The following LMCD1 variants were observed in gnomAD, a reference collection of about 807,000 sequenced individuals.
LMCD1 encodes LIM and cysteine rich domains 1, also known as LIM and cysteine-rich domains protein 1.
In LMCD1, 32 loss-of-function variants were observed where a neutral mutation model predicts 42.7. The observed-to-expected ratio is 0.75, with a 90% CI of 0.57 to 1.01. The LOEUF (loss-of-function observed/expected upper bound fraction) is 1.01. Among genes scored for constraint, LMCD1 ranks in the 50% least tolerant of loss-of-function variants. LMCD1 has a pLI of 0.00. For synonymous variants in LMCD1, 178 were observed against 184.9 expected, an observed-to-expected ratio of 0.96 and a Z score of 0.30; for missense variants, 458 against 483.1, an observed-to-expected ratio of 0.95 and a Z score of 0.49.
intron 1 of LMCD1, chr3:8,514,895 C>T (rs971811865): frequency 2.2e-6 from 1 of 454,510 alleles, no homozygotes; most frequent in Non-Finnish European, 4.4e-6. Context: ...ACTTTCTGGG[C>T]CACTGAAAAT....
chr3:8,560,760 G>C (rs1695020059), intron 4 of LMCD1, among the ~76,000 whole-genome samples: 1 of 152,196 alleles, frequency 6.6e-6, no homozygotes, highest in South Asian at 2.1e-4. Flanking sequence ...CTCCAAGCCA[G>C]CTGAGTCTCA....
At chr3:8,548,351 T>C (rs1694776192) in intron 3 of LMCD1, among the ~76,000 whole-genome samples, 1 of 152,224 alleles carries the variant, frequency 6.6e-6, no homozygotes, top group African/African-American at 2.4e-5. Flanking sequence ...ATGTGTGTTT[T>C]ATTTGTCACA....
chr3:8,555,669 A>G (rs1027736406), intron 4 of LMCD1, among the ~76,000 whole-genome samples: 9 of 143,570 alleles, frequency 6.3e-5, no homozygotes, highest in Admixed American at 6.2e-4. Context: ...CACTTTTTAT[A>G]CTATACTATA....
At chr3:8,534,382 G>A (rs950537163) in intron 2 of LMCD1, among the ~76,000 whole-genome samples, 1 of 152,064 alleles carries the variant, frequency 6.6e-6, no homozygotes, top group Admixed American at 6.6e-5. Flanking sequence ...AAGTCTCTTA[G>A]CATTGTTTTA....
chr3:8,520,033 CT>C (rs1016115269), intron 1 of LMCD1, among the ~76,000 whole-genome samples: 4 of 152,114 alleles, frequency 2.6e-5, no homozygotes, highest in Non-Finnish European at 5.9e-5. Context: ...AGCCTTAAGA[CT>C]TTTAATAATA....
rs1449233451 is a variant in LMCD1, at chr3:8,573,129, T to A, written c.*5531T>A. ...TTGAGATATTTCTTCAACATATAGC[T>A]TTTCATTAGTGGGGATTTTGTCAAT... On this transcript the variant is annotated 3_prime_UTR_variant, in exon 6 of 6. Transcript: ENST00000157600. 6.6e-6 allele frequency: 1 copy of A among 152,198 alleles called. No individual in the cohort carries two copies. The highest frequency in any genetic ancestry group is 1.5e-5 in the Non-Finnish European group (1 of 68,032). The allele number at this position is 152,198 out of a possible 1,614,324, so 9.4% of individuals were successfully genotyped here.
At chr3:8,554,719 T>C (rs1252975194) in intron 4 of LMCD1, among the ~76,000 whole-genome samples, 4 of 152,208 alleles carry the variant, frequency 2.6e-5, no homozygotes, top group African/African-American at 9.6e-5. Flanking sequence ...ATGATCTTCA[T>C]GTTCTGACTC....
rs1553607334 is a variant in LMCD1, at chr3:8,543,440, TAGAC to T, written c.388-5116_388-5113del. On this transcript the variant is annotated intron_variant, in intron 3 of 5. Coordinates refer to ENST00000157600, the MANE Select transcript of LMCD1 (RefSeq NM_014583.4). ...ATAGATAGATAGATAGATAGATAGA[TAGAC>T]AGACAGACAGAGAGATAGACAGACA... 7.5e-3 allele frequency among the ~76,000 whole-genome samples: 1,012 copies of T among 134,198 alleles called. 4 individuals are homozygous for T. Among genetic ancestry groups the T allele is most frequent in the African/African-American group, 0.014 (479 of 35,336 alleles). 88.0% of individuals were successfully genotyped at this position (134,198 alleles called of 152,430 possible).
rs190669980 is a variant in LMCD1 at position 8,532,855 on chromosome 3, C to A, written c.131+30C>A. ...CAGATTTTGTCAGGAGGGTCCCTGT[C>A]TGCCTTTGTTACTTGGCTGTCCTCT... On this transcript the variant is annotated intron_variant, in intron 2 of 5. Transcript: ENST00000157600. The A allele has an allele frequency of 4.4e-6, 7 of 1,581,634 alleles. No individual in the cohort carries two copies. The Admixed American group carries it at 5.0e-5, about 11-fold the overall frequency.
At chr3:8,552,597 C>T (rs995471725) in intron 4 of LMCD1, among the ~76,000 whole-genome samples, 1 of 152,082 alleles carries the variant, frequency 6.6e-6, no homozygotes, top group African/African-American at 2.4e-5. Flanking sequence ...CTTTGAGGAC[C>T]GCTGCTAACA....
At chr3:8,550,105 T>C in intron 4 of LMCD1, 2 of 1,412,064 alleles carry the variant, frequency 1.4e-6, no homozygotes, top group South Asian at 3.0e-5. Context: ...GGGGGCCATT[T>C]TGAGAAAACA....
chr3:8,573,179 T>G lies in LMCD1; in HGVS notation c.*5581T>G, dbSNP rs570957790. The G allele has an allele frequency of 6.6e-6, 1 of 152,380 alleles. No homozygotes were observed. Among genetic ancestry groups the G allele is most frequent in the African/African-American group, 2.4e-5 (1 of 41,594 alleles). 9.4% of individuals were successfully genotyped at this position (152,380 alleles called of 1,614,324 possible). A position where few individuals can be genotyped will look rare whatever the true frequency, so the allele number is the denominator to read the frequency against. Reference sequence around the variant, plus strand: ...TTATAACCAAAAACAATGTGACGGATACCCAAGATGTTTCATGTTGTAGCT... The same window carrying G: ...TTATAACCAAAAACAATGTGACGGAGACCCAAGATGTTTCATGTTGTAGCT... On this transcript the variant is annotated 3_prime_UTR_variant, in exon 6 of 6. Coordinates refer to ENST00000157600, the MANE Select transcript of LMCD1 (RefSeq NM_014583.4).
intron 1 of LMCD1, among the ~76,000 whole-genome samples, chr3:8,522,998 G>C (rs935041343): frequency 5.3e-5 from 8 of 152,130 alleles, no homozygotes; most frequent in Non-Finnish European, 8.8e-5. Context: ...CCATGTAATA[G>C]GAAAAATCAT....
At chr3:8,530,079 T>G (rs900196129) in intron 1 of LMCD1, among the ~76,000 whole-genome samples, 2 of 152,188 alleles carry the variant, frequency 1.3e-5, no homozygotes, top group African/African-American at 4.8e-5. Flanking sequence ...AACAGTTGCT[T>G]GCTCTCTACC....
rs1694779184 is a variant in LMCD1, at chr3:8,548,562, C to T, written c.388-6C>T. The T allele has an allele frequency of 6.3e-7, 1 of 1,598,606 alleles. No homozygotes were observed. The highest frequency in any genetic ancestry group is 1.7e-5 in the Admixed American group (1 of 59,270). ...CATGTTGTCTCTTCCTCCTCCTCCT[C>T]CCTAGGGACTGCAGTACATGGAGCT... On this transcript the variant is annotated splice_region_variant and splice_polypyrimidine_tract_variant and intron_variant, in intron 3 of 5. Coordinates refer to ENST00000157600, the MANE Select transcript of LMCD1 (RefSeq NM_014583.4).
chr3:8,535,589 T>C (rs1574960334), intron 2 of LMCD1, among the ~76,000 whole-genome samples: 1 of 152,238 alleles, frequency 6.6e-6, no homozygotes, highest in Non-Finnish European at 1.5e-5. Flanking sequence ...TCCAAACTCA[T>C]GACCACTAAG....
At chr3:8,566,424 CCTT>C in intron 5 of LMCD1, among the ~76,000 whole-genome samples, 1 of 152,292 alleles carries the variant, frequency 6.6e-6, no homozygotes, top group African/African-American at 2.4e-5. Flanking sequence ...TTTTCTACCA[CCTT>C]CTACGAATTG....
rs1695172429 is a variant in LMCD1, at chr3:8,568,948, C to G, written c.*1350C>G. ...TACCTAGAAAACCCCCATTCATGTG[C>G]TTTATAAGTTTCACCAAAGCCATTG... On this transcript the variant is annotated 3_prime_UTR_variant, in exon 6 of 6. Coordinates refer to ENST00000157600, the MANE Select transcript of LMCD1 (RefSeq NM_014583.4). 1 of 152,178 alleles carries G rather than the reference C, an allele frequency of 6.6e-6. No individual in the cohort carries two copies. Among genetic ancestry groups the G allele is most frequent in the Non-Finnish European group, 1.5e-5 (1 of 68,038 alleles). The allele number at this position is 152,178 out of a possible 1,614,324, so 9.4% of individuals were successfully genotyped here. A position where few individuals can be genotyped will look rare whatever the true frequency, so the allele number is the denominator to read the frequency against.
chr3:8,547,699 C>A (rs61268825), intron 3 of LMCD1, among the ~76,000 whole-genome samples: 1 of 151,758 alleles, frequency 6.6e-6, no homozygotes, highest in African/African-American at 2.4e-5. Context: ...AAGACCATCC[C>A]GGCTAACACG....
Sources: allele counts gnomAD v4.1 joint callset (sites outside exome capture counted in the v4.1 genomes callset), GRCh38; gene constraint gnomAD v4.1.1; transcripts MANE v1.5; gene names NCBI Gene and HGNC (gene_info 2026-07-23, HGNC 2026-07-21).